Variants in CAMTA1 observed in about 807,000 individuals in gnomAD.
The protein encoded by CAMTA1 is calmodulin-binding transcription activator 1.
CAMTA1 carries 27 observed loss-of-function variants against 170.9 expected under a neutral mutation model. The observed-to-expected ratio is 0.16, with a 90% CI of 0.12 to 0.22. The LOEUF is 0.22. CAMTA1 is among the 10% of genes least tolerant of loss of function. CAMTA1 has a pLI of 1.00. For missense variants in CAMTA1, 1,619 were observed against 2,217.2 expected (o/e 0.73, Z 5.42); for synonymous variants, 833 against 891.5 (o/e 0.93, Z 1.17).
intron 3 of CAMTA1, among the ~76,000 whole-genome samples, chr1:6,893,282 A>G (rs1354882207): frequency 6.6e-6 from 1 of 152,060 alleles, no homozygotes; most frequent in Admixed American, 6.5e-5. Flanking sequence ...GAAAAGAAGA[A>G]AAAAAAAGCT....
rs573219663 is a variant in CAMTA1 at position 7,705,154 on chromosome 1, TGTG to T, written c.2915-27292_2915-27290del. Among the ~76,000 whole-genome samples, 175 of 142,428 alleles carry T rather than the reference TGTG, an allele frequency of 1.2e-3. 3 individuals carry two copies. In the South Asian group the frequency reaches 0.039, roughly 32 times the overall value. The allele number at this position is 142,428 out of a possible 152,430, so 93.4% of individuals were successfully genotyped here. A position where few individuals can be genotyped will look rare whatever the true frequency, so the allele number is the denominator to read the frequency against. Reference sequence around the variant, plus strand: ...GCGCGTTTCTGGCGCGAGTGGGAAGTGTGGGGATCCGGCGGGCCCGGTGTGAGG... The same window carrying T: ...GCGCGTTTCTGGCGCGAGTGGGAAGTGGGATCCGGCGGGCCCGGTGTGAGG... On this transcript the variant is annotated intron_variant, in intron 11 of 22. Transcript: ENST00000303635.
chr1:7,728,970 G>T (rs2096711834), intron 11 of CAMTA1, among the ~76,000 whole-genome samples: 1 of 152,172 alleles, frequency 6.6e-6, no homozygotes, highest in African/African-American at 2.4e-5. Context: ...ACACTTAGTG[G>T]CAGGATCCTC....
intron 3 of CAMTA1, among the ~76,000 whole-genome samples, chr1:7,006,221 A>G (rs1210438398): frequency 6.6e-6 from 1 of 152,150 alleles, no homozygotes; most frequent in East Asian, 1.9e-4. Flanking sequence ...GATTCTCCCA[A>G]CTCTATCCTT....
At position 7,482,501 on chromosome 1, in the gene CAMTA1, A is replaced by G. The variant is rs2093554605; in HGVS notation, c.510+14600A>G. On this transcript the variant is annotated intron_variant, in intron 6 of 22. Coordinates refer to ENST00000303635, the MANE Select transcript of CAMTA1 (RefSeq NM_015215.4). This position sits in a 1 kb window ranked among gnomAD's most constrained non-coding sequence, Gnocchi z 4.2. Reference sequence around the variant, plus strand: ...ACGCAGTGTGTCCCCACCTCCCTCCATCCTCCTGAAGAGGGAGAAGACATG... The same window carrying G: ...ACGCAGTGTGTCCCCACCTCCCTCCGTCCTCCTGAAGAGGGAGAAGACATG... Among the ~76,000 whole-genome samples, 1 of 152,130 alleles carries G rather than the reference A, an allele frequency of 6.6e-6. No homozygotes were observed. Among genetic ancestry groups the G allele is most frequent in the Admixed American group, 6.5e-5 (1 of 15,280 alleles).
At chr1:6,969,086 G>A (rs564644245) in intron 3 of CAMTA1, among the ~76,000 whole-genome samples, 2 of 152,306 alleles carry the variant, frequency 1.3e-5, no homozygotes, top group African/African-American at 4.8e-5. Flanking sequence ...GACCAGAAGA[G>A]GTCAAGAATG....
chr1:7,616,607 G>A (rs1361352539), intron 6 of CAMTA1, among the ~76,000 whole-genome samples: 5 of 152,174 alleles, frequency 3.3e-5, no homozygotes, highest in African/African-American at 9.7e-5. Flanking sequence ...CCTTCCCCAG[G>A]GACACATTCC....
intron 6 of CAMTA1, among the ~76,000 whole-genome samples, chr1:7,638,519 G>A (rs182162884): frequency 2.4e-4 from 36 of 152,162 alleles, no homozygotes; most frequent in African/African-American, 7.7e-4. Context: ...GCGTGCACGT[G>A]TAATCCCAGC....
chr1:7,319,706 C>T (rs534281238), intron 5 of CAMTA1, among the ~76,000 whole-genome samples: 1 of 152,300 alleles, frequency 6.6e-6, no homozygotes, highest in East Asian at 1.9e-4. Flanking sequence ...TGAGCAGCTA[C>T]CATCTGTCAG....
Position 7,579,552 on chromosome 1 carries a change from C to CTTTCTTTCTTTTTTTTT in CAMTA1, c.511-60845_511-60844insCTTTCTTTTTTTTTTTT, listed in dbSNP as rs1436192966. Among the ~76,000 whole-genome samples, 45 of 79,196 alleles carry CTTTCTTTCTTTTTTTTT rather than the reference C, an allele frequency of 5.7e-4. 2 individuals are homozygous for CTTTCTTTCTTTTTTTTT. The highest frequency in any genetic ancestry group is 2.5e-3 in the African/African-American group (42 of 16,966). 52.0% of individuals were successfully genotyped at this position (79,196 alleles called of 152,430 possible). A position where few individuals can be genotyped will look rare whatever the true frequency, so the allele number is the denominator to read the frequency against. On this transcript the variant is annotated intron_variant, in intron 6 of 22. Coordinates refer to ENST00000303635, the MANE Select transcript of CAMTA1 (RefSeq NM_015215.4). ...GGTCCACTTTCTTTTCTTTTCTTTTCTTTTTTTTTTTTTTTTTTTTTTTTT... is the reference window on the plus strand; with the variant it reads ...GGTCCACTTTCTTTTCTTTTCTTTTCTTTCTTTCTTTTTTTTTTTTTTTTTTTTTTTTTTTTTTTTTT...
intron 11 of CAMTA1, chr1:7,694,651 G>A (rs949938322): frequency 6.6e-6 from 1 of 152,496 alleles, no homozygotes; most frequent in Non-Finnish European, 1.5e-5. Context: ...TGCTGTGCGG[G>A]GTTGTAAACG....
chr1:7,492,308 G>A lies in CAMTA1; in HGVS notation c.510+24407G>A, dbSNP rs189758552. On this transcript the variant is annotated intron_variant, in intron 6 of 22. Coordinates refer to ENST00000303635, the MANE Select transcript of CAMTA1 (RefSeq NM_015215.4). Reference sequence around the variant, plus strand: ...ACTACGGGGGCCCAGGACCTGCTCTGCCCTGCTTAGGGCTGGGCAGGGCTT... The same window carrying A: ...ACTACGGGGGCCCAGGACCTGCTCTACCCTGCTTAGGGCTGGGCAGGGCTT... 1.8e-4 allele frequency among the ~76,000 whole-genome samples: 28 copies of A among 152,304 alleles called. No individual in the cohort carries two copies. In the East Asian group the frequency reaches 5.4e-3, roughly 29 times the overall value.
At chr1:7,017,192 C>T (rs996861859) in intron 3 of CAMTA1, among the ~76,000 whole-genome samples, 1 of 152,352 alleles carries the variant, frequency 6.6e-6, no homozygotes. Context: ...AGGCCCCAGA[C>T]TGGAAGTTGC....
chr1:7,718,268 A>G lies in CAMTA1; in HGVS notation c.2915-14180A>G, dbSNP rs568498048. On this transcript the variant is annotated intron_variant, in intron 11 of 22. Coordinates refer to ENST00000303635, the MANE Select transcript of CAMTA1 (RefSeq NM_015215.4). ...TAAACACAGTGGGCGTTCCGTAAAC[A>G]TTTGTGGAATGAGTCCGTTCTGGCC... Among the ~76,000 whole-genome samples the G allele has an allele frequency of 5.3e-5, 8 of 152,216 alleles. No individual in the cohort carries two copies. The South Asian group carries it at 1.2e-3, about 24-fold the overall frequency.
At chr1:7,283,003 T>C (rs905269686) in intron 5 of CAMTA1, among the ~76,000 whole-genome samples, 1 of 152,132 alleles carries the variant, frequency 6.6e-6, no homozygotes, top group Non-Finnish European at 1.5e-5. Context: ...TTGATAATAG[T>C]GGGAATTTGG....
intron 11 of CAMTA1, among the ~76,000 whole-genome samples, chr1:7,697,857 C>T (rs961905101): frequency 2.7e-5 from 4 of 150,196 alleles, no homozygotes; most frequent in Admixed American, 2.6e-4. Flanking sequence ...CTATCCTCCA[C>T]ATCACTGTCA....
intron 4 of CAMTA1, among the ~76,000 whole-genome samples, chr1:7,132,951 A>G (rs1305199587): frequency 2.6e-5 from 4 of 152,152 alleles, no homozygotes; most frequent in African/African-American, 9.7e-5. Flanking sequence ...TTATCAGCCT[A>G]TGTTACATTA....
chr1:7,583,951 T>C (rs985998475), intron 6 of CAMTA1, among the ~76,000 whole-genome samples: 1 of 152,162 alleles, frequency 6.6e-6, no homozygotes, highest in Non-Finnish European at 1.5e-5. Context: ...CCCTGAGCTC[T>C]GACGGGTGCT....
rs1458275769 is a variant in CAMTA1, at chr1:7,106,187, G to A, written c.302+14816G>A. Among the ~76,000 whole-genome samples the A allele has an allele frequency of 2.0e-5, 3 of 152,040 alleles. No homozygotes were observed. In the East Asian group the frequency reaches 5.8e-4, roughly 29 times the overall value. ...CAACTTGCAAAACCCTTCAGATCTG[G>A]GATCTCAATCCTTTTAACAACCTGC... On this transcript the variant is annotated intron_variant, in intron 4 of 22. Coordinates refer to ENST00000303635, the MANE Select transcript of CAMTA1 (RefSeq NM_015215.4).
At chr1:7,683,175 CT>C (rs2096226935) in intron 11 of CAMTA1, among the ~76,000 whole-genome samples, 2 of 121,234 alleles carry the variant, frequency 1.6e-5, no homozygotes, top group Admixed American at 1.8e-4. Context: ...GAGCGAGACT[CT>C]GTCTCAAAAA....
Sources: allele counts gnomAD v4.1 joint callset (sites outside exome capture counted in the v4.1 genomes callset), GRCh38; gene constraint gnomAD v4.1.1; non-coding constraint Gnocchi (gnomAD v3.1); transcripts MANE v1.5; gene names NCBI Gene and HGNC (gene_info 2026-07-23, HGNC 2026-07-21).